The following PPP3CA variants were observed in gnomAD, a reference collection of about 807,000 sequenced individuals.
PPP3CA encodes protein phosphatase 3 catalytic subunit alpha, also known as CAM-PRP catalytic subunit.
Under a neutral mutation model 66.5 loss-of-function variants are expected in PPP3CA, and 14 were observed. The observed-to-expected ratio is 0.21, with a 90% confidence interval of 0.14 to 0.33. The LOEUF is 0.33. Among genes scored for constraint, PPP3CA ranks in the 10% least tolerant of loss-of-function variants. PPP3CA has a pLI of 1.00. For missense variants in PPP3CA, 317 were observed against 639.5 expected (o/e 0.50, Z 5.44); for synonymous variants, 232 against 226.2 (o/e 1.03, Z -0.23).
chr4:101,346,014 G>C (rs1167913668), intron 1 of PPP3CA, among the ~76,000 whole-genome samples: 1 of 152,132 alleles, frequency 6.6e-6, no homozygotes, highest in Admixed American at 6.5e-5. Flanking sequence ...GCGTGCGGGG[G>C]AAATCCCGGG....
intron 6 of PPP3CA, among the ~76,000 whole-genome samples, chr4:101,086,321 G>C (rs17828794): frequency 0.02 from 3,041 of 152,108 alleles, 45 homozygotes; most frequent in Non-Finnish European, 0.034. Context: ...ATCAGAAGCT[G>C]AGTGAATAGG....
intron 1 of PPP3CA, among the ~76,000 whole-genome samples, chr4:101,343,638 T>C (rs1044332241): frequency 4.6e-5 from 7 of 152,176 alleles, no homozygotes; most frequent in African/African-American, 1.7e-4. Context: ...GATACAGCAC[T>C]AGTTTTGCTA....
intron 2 of PPP3CA, among the ~76,000 whole-genome samples, chr4:101,119,643 A>G (rs111848231): frequency 9.9e-5 from 15 of 152,238 alleles, no homozygotes; most frequent in African/African-American, 2.9e-4. Context: ...ACATTTTGAC[A>G]ATTTAAAGGA....
At position 101,275,127 on chromosome 4, in the gene PPP3CA, A is replaced by C. The variant is rs540312944; in HGVS notation, c.58+71612T>G. The stretch of plus-strand genomic sequence containing the variant: ...TATTTCCTCATAACCCTCATACTTA[A>C]CGGTATATATTCTTGCCACGAAGAA... On this transcript the variant is annotated intron_variant, in intron 1 of 13. Coordinates refer to ENST00000394854, the MANE Select transcript of PPP3CA (RefSeq NM_000944.5). 3.3e-5 allele frequency among the ~76,000 whole-genome samples: 5 copies of C among 152,216 alleles called. No individual in the cohort carries two copies. In the South Asian group the frequency reaches 1.0e-3, roughly 32 times the overall value.
intron 2 of PPP3CA, among the ~76,000 whole-genome samples, chr4:101,159,407 C>T (rs927209803): frequency 1.3e-5 from 2 of 152,198 alleles, no homozygotes; most frequent in Non-Finnish European, 2.9e-5. Flanking sequence ...AGGATAAGAA[C>T]AGTGCCAGCC....
chr4:101,121,915 CA>C (rs746035928), intron 2 of PPP3CA, among the ~76,000 whole-genome samples: 11 of 152,016 alleles, frequency 7.2e-5, no homozygotes, highest in Non-Finnish European at 1.5e-4. Context: ...GACGTTTGAC[CA>C]TGGACTTTTC....
intron 2 of PPP3CA, among the ~76,000 whole-genome samples, chr4:101,120,638 G>C (rs1346551918): frequency 6.7e-6 from 1 of 149,664 alleles, no homozygotes. Flanking sequence ...TTAAGAAAAG[G>C]CATGAGATTG....
Position 101,320,996 on chromosome 4 carries a change from A to G in PPP3CA, c.58+25743T>C, listed in dbSNP as rs527955392. ...AGAGGAAAGCATCACAGAGAGGTAA[A>G]GACAAGAAAAACATTGATGTTTGTG... is the stretch of plus-strand genomic sequence containing the variant. On this transcript the variant is annotated intron_variant, in intron 1 of 13. Coordinates refer to ENST00000394854, the MANE Select transcript of PPP3CA (RefSeq NM_000944.5). Among the ~76,000 whole-genome samples, 13 of 152,336 alleles carry G rather than the reference A, an allele frequency of 8.5e-5. No individual in the cohort carries two copies. The South Asian group carries it at 2.7e-3, about 32-fold the overall frequency.
At chr4:101,317,500 A>C (rs911148331) in intron 1 of PPP3CA, among the ~76,000 whole-genome samples, 8 of 152,130 alleles carry the variant, frequency 5.3e-5, no homozygotes, top group African/African-American at 1.7e-4. Context: ...TATGTGTTTT[A>C]GTATATTTTA....
chr4:101,034,921 G>C (rs1300719002), intron 11 of PPP3CA, among the ~76,000 whole-genome samples: 3 of 152,036 alleles, frequency 2.0e-5, no homozygotes, highest in African/African-American at 7.2e-5. Flanking sequence ...TTTGCCTCAT[G>C]AGTGATTATA....
chr4:101,068,697 T>C (rs574569356), intron 8 of PPP3CA, among the ~76,000 whole-genome samples: 2 of 152,152 alleles, frequency 1.3e-5, no homozygotes, highest in Non-Finnish European at 2.9e-5. Context: ...TTCCACCTCC[T>C]TTTTTTCCCC....
chr4:101,124,785 AAGAAAG>A (rs1421958095), intron 2 of PPP3CA, among the ~76,000 whole-genome samples: 1 of 128,926 alleles, frequency 7.8e-6, no homozygotes, highest in South Asian at 2.6e-4. Context: ...GAAAGAAAGA[AAGAAAG>A]AAAGAAAGAG....
At chr4:101,048,957 T>C (rs1218918483) in intron 10 of PPP3CA, among the ~76,000 whole-genome samples, 9 of 152,076 alleles carry the variant, frequency 5.9e-5, no homozygotes, top group Admixed American at 1.3e-4. Flanking sequence ...GTGTAACGGA[T>C]TTTAAGTGTT....
At chr4:101,246,125 G>A (rs943773945) in intron 1 of PPP3CA, among the ~76,000 whole-genome samples, 1 of 152,084 alleles carries the variant, frequency 6.6e-6, no homozygotes, top group Non-Finnish European at 1.5e-5. Context: ...TTCCCAATTA[G>A]GGCATAAACT....
At chr4:101,109,656 C>CAAAAAAA (rs33932766) in intron 2 of PPP3CA, among the ~76,000 whole-genome samples, 3 of 103,960 alleles carry the variant, frequency 2.9e-5, no homozygotes, top group East Asian at 2.7e-4. Context: ...ACCACTAAGG[C>CAAAAAAA]AAAAAAAAAA....
intron 1 of PPP3CA, among the ~76,000 whole-genome samples, chr4:101,230,432 A>C (rs1252277191): frequency 6.6e-6 from 1 of 151,634 alleles, no homozygotes; most frequent in Non-Finnish European, 1.5e-5. Flanking sequence ...AATATTGTTC[A>C]TTTTTAAATG....
At chr4:101,142,209 T>C (rs1041173883) in intron 2 of PPP3CA, among the ~76,000 whole-genome samples, 1 of 152,234 alleles carries the variant, frequency 6.6e-6, no homozygotes, top group African/African-American at 2.4e-5. Flanking sequence ...AGCATTTTAA[T>C]TATCTGTACA....
At chr4:101,142,092 A>C (rs1204396213) in intron 2 of PPP3CA, among the ~76,000 whole-genome samples, 1 of 152,230 alleles carries the variant, frequency 6.6e-6, no homozygotes, top group African/African-American at 2.4e-5. Context: ...GTCTACCACA[A>C]ATTATCTGTT....
chr4:101,245,765 T>G (rs1389090201), intron 1 of PPP3CA, among the ~76,000 whole-genome samples: 1 of 152,068 alleles, frequency 6.6e-6, no homozygotes, highest in Admixed American at 6.6e-5. Context: ...GTATGAGATA[T>G]TCTGCTTGTT....
Sources: gnomAD v4.1 joint callset for allele counts (sites outside exome capture counted in the v4.1 genomes callset) on GRCh38, gnomAD v4.1.1 for gene constraint, MANE v1.5 for transcripts, NCBI Gene and HGNC (gene_info 2026-07-23, HGNC 2026-07-21) for gene names.